Variants in SLC44A4 observed in about 807,000 individuals in gnomAD.
The protein encoded by SLC44A4 is solute carrier family 44 member 4, also known as choline transporter-like protein 4.
Under a neutral mutation model 97.0 loss-of-function variants are expected in SLC44A4, and 74 were observed. The ratio of observed to expected loss-of-function variants is 0.76; its 90% CI spans 0.63 to 0.93. The LOEUF (loss-of-function observed/expected upper bound fraction) is 0.93. Ranked by LOEUF, SLC44A4 falls within the 40% of genes least tolerant of loss-of-function variation. SLC44A4 has a pLI of 0.00. For synonymous variants in SLC44A4, 325 were observed against 363.8 expected (o/e 0.89, Z 1.21); for missense variants, 799 against 902.9 (o/e 0.88, Z 1.48).
chr6:31,865,514 C>T lies in SLC44A4; in HGVS notation c.1670G>A (p.Arg557His), dbSNP rs368786095. 4 of 1,604,336 alleles carry T rather than the reference C, an allele frequency of 2.5e-6. No homozygotes were observed. Among genetic ancestry groups the T allele is most frequent in the East Asian group, 2.2e-5 (1 of 44,672 alleles). The change falls in exon 16 of 21, where the codon CGC becomes CAC. Residue 557 changes from arginine (R) to histidine (H), a missense_variant. Arg to His is a conservative substitution (Grantham distance 29, BLOSUM62 0). This residue lies in a region of SLC44A4 where 379 missense variants were observed against 438.3 expected (regional missense o/e 0.86). Coordinates refer to ENST00000229729, the MANE Select transcript of SLC44A4 (RefSeq NM_025257.3). The surrounding 1 kb of genome is among the most constrained non-coding windows in gnomAD (Gnocchi z 5.2). The stretch of plus-strand genomic sequence containing the variant: ...GTAGCTCACCATGATGTATGCATTG[C>T]GGTTTAGGAACTTGATAAATTTTTC... ...CLEKFIKFLN[R>H]NAYIMIAIYG... is the part of the protein sequence containing the mutation.
chr6:31,878,965 G>A lies in SLC44A4; in HGVS notation c.16C>T (p.Arg6Trp), dbSNP rs369309314. The A allele has an allele frequency of 1.4e-5, 22 of 1,613,486 alleles. No homozygotes were observed. Among genetic ancestry groups the A allele is most frequent in the African/African-American group, 2.7e-5 (2 of 74,884 alleles). The change falls in exon 1 of 21, where the codon CGG becomes TGG. Residue 6 changes from arginine (R) to tryptophan (W), a missense_variant. Physicochemically the swap from Arg to Trp is moderately radical, Grantham distance 101. This residue lies in a region of SLC44A4 where 409 missense variants were observed against 434.1 expected (regional missense o/e 0.94). Transcript: ENST00000229729. The surrounding 1 kb of genome is among the most constrained non-coding windows in gnomAD (Gnocchi z 4.0). MGGKQ[R>W]DEDDEAYGKP... ...CCGTAGGCCTCGTCATCCTCGTCCCGCTGCTTTCCCCCCATGGCTCAGTCT... is the reference window on the plus strand; with the variant it reads ...CCGTAGGCCTCGTCATCCTCGTCCCACTGCTTTCCCCCCATGGCTCAGTCT...
Position 31,877,048 on chromosome 6 carries a change from G to T in SLC44A4, c.75C>A (p.Gly25=), listed in dbSNP as rs1326780831. 13 of 1,609,702 alleles carry T rather than the reference G, an allele frequency of 8.1e-6. No individual in the cohort carries two copies. The highest frequency in any genetic ancestry group is 1.0e-5 in the Non-Finnish European group (12 of 1,178,948). Residue 25 remains glycine (G), a synonymous_variant, in exon 2 of 21, where the codon GGC becomes GGA. Coordinates refer to ENST00000229729, the MANE Select transcript of SLC44A4 (RefSeq NM_025257.3). The surrounding 1 kb of genome is among the most constrained non-coding windows in gnomAD (Gnocchi z 6.5). ...CCAGAGCTCACCTGTTCTTGATGGG[G>T]CCTCGAAAGGAGGGGTCGTATTTGA... The part of the protein sequence containing the change: ...KPVKYDPSFR[G]PIKNRSCTDV...
chr6:31,865,924 G>C lies in SLC44A4; in HGVS notation c.1436C>G (p.Pro479Arg). The change falls in exon 14 of 21, where the codon CCC becomes CGC. Residue 479 changes from proline (P) to arginine (R), a missense_variant. Pro to Arg is a moderately radical substitution (Grantham distance 103, BLOSUM62 -2). This residue lies in a region of SLC44A4 where 379 missense variants were observed against 438.3 expected (regional missense o/e 0.86). Transcript: ENST00000229729. The surrounding 1 kb of genome is among the most constrained non-coding windows in gnomAD (Gnocchi z 5.2). ...FASFYWAFHK[P>R]QDIPTFPLIS... ...TAAGGGGAAGGTAGGGATGTCCTGGGGCTTGTGGAAGGCCCAGTAGAAGGA... is the reference window on the plus strand; with the variant it reads ...TAAGGGGAAGGTAGGGATGTCCTGGCGCTTGTGGAAGGCCCAGTAGAAGGA... 1 of 1,614,194 alleles carries C rather than the reference G, an allele frequency of 6.2e-7. No individual in the cohort carries two copies. Among genetic ancestry groups the C allele is most frequent in the Non-Finnish European group, 8.5e-7 (1 of 1,180,024 alleles).
intron 19 of SLC44A4, 38 bp from the exon 20 acceptor site, chr6:31,864,774 T>G (rs750223357): frequency 6.2e-7 from 1 of 1,613,826 alleles, no homozygotes; most frequent in Admixed American, 1.7e-5. Flanking sequence ...TGGGTTCCTC[T>G]GGGGAGTTGG....
chr6:31,869,159 G>C lies in SLC44A4; in HGVS notation c.1229C>G (p.Pro410Arg). Residue 410 changes from proline (P) to arginine (R), a missense_variant, in exon 13 of 21, where the codon CCC becomes CGC. By Grantham distance (103) the Pro-to-Arg change is moderately radical. Coordinates refer to ENST00000229729, the MANE Select transcript of SLC44A4 (RefSeq NM_025257.3). ...ATGTCCCCTGCTTCCTCTTACCGTG[G>C]GGTTGCATGATGTATTTATTGGCAC... ...EKVPINTSCNPTAHLVNSSCP... is the reference protein window; with the variant it reads ...EKVPINTSCNRTAHLVNSSCP... The C allele has an allele frequency of 6.2e-7, 1 of 1,605,884 alleles. No homozygotes were observed. Among genetic ancestry groups the C allele is most frequent in the Non-Finnish European group, 8.5e-7 (1 of 1,176,386 alleles).
rs995430672 is a variant in SLC44A4, at chr6:31,863,367, A to C, written c.*260T>G. On this transcript the variant is annotated 3_prime_UTR_variant, in exon 21 of 21. Transcript: ENST00000229729. ...CAGCCTCCCGAGTAGCTGGGATGAC[A>C]GGTGCATGCCACCACTCTCGGCTAA... is the stretch of plus-strand genomic sequence containing the variant. The C allele has an allele frequency of 2.7e-4, 95 of 357,282 alleles. 1 individual carries two copies. The highest frequency in any genetic ancestry group is 2.0e-3 in the African/African-American group (91 of 46,118). 22.1% of individuals were successfully genotyped at this position (357,282 alleles called of 1,614,324 possible).
intron 13 of SLC44A4, among the ~76,000 whole-genome samples, chr6:31,868,414 T>TA (rs2151558691): frequency 6.6e-6 from 1 of 152,260 alleles, no homozygotes; most frequent in Non-Finnish European, 1.5e-5. Flanking sequence ...ACTAAGCACT[T>TA]TATGTGCCCA....
At position 31,878,062 on chromosome 6, in the gene SLC44A4, CA is replaced by C. The variant is rs1763545080; in HGVS notation, c.40+878del. 1 of 152,112 alleles carries C rather than the reference CA, an allele frequency of 6.6e-6. No individual in the cohort carries two copies. Among genetic ancestry groups the C allele is most frequent in the Admixed American group, 6.5e-5 (1 of 15,278 alleles). 9.4% of individuals were successfully genotyped at this position (152,112 alleles called of 1,614,324 possible). On this transcript the variant is annotated intron_variant, in intron 1 of 20. Coordinates refer to ENST00000229729, the MANE Select transcript of SLC44A4 (RefSeq NM_025257.3). This position sits in a 1 kb window ranked among gnomAD's most constrained non-coding sequence, Gnocchi z 4.0. Reference sequence around the variant, plus strand: ...TTCCTTCCCCTTCAGACCAGAAGACCAGGGGGGCCTCCGCAGGTGAGTCCCC... The same window carrying C: ...TTCCTTCCCCTTCAGACCAGAAGACCGGGGGGCCTCCGCAGGTGAGTCCCC...
chr6:31,863,564 G>T lies in SLC44A4; in HGVS notation c.*63C>A. 6.4e-7 allele frequency: 1 copy of T among 1,558,664 alleles called. No individual in the cohort carries two copies. Among genetic ancestry groups the T allele is most frequent in the Non-Finnish European group, 8.7e-7 (1 of 1,155,292 alleles). ...ACCACAAAATGGAGACCTGTAAGGCGAAGTGAGGTTGGATGGCTGGACGGT... is the reference window on the plus strand; with the variant it reads ...ACCACAAAATGGAGACCTGTAAGGCTAAGTGAGGTTGGATGGCTGGACGGT... On this transcript the variant is annotated 3_prime_UTR_variant, in exon 21 of 21. Transcript: ENST00000229729.
At position 31,865,385 on chromosome 6, in the gene SLC44A4, C is replaced by A. The variant is rs373514417; in HGVS notation, c.1690G>T (p.Ala564Ser). Residue 564 changes from alanine to serine, a missense_variant, in exon 17 of 21, where the codon GCC (alanine) becomes TCC (serine). This residue lies in a region of SLC44A4 where 379 missense variants were observed against 438.3 expected (regional missense o/e 0.86). Coordinates refer to ENST00000229729, the MANE Select transcript of SLC44A4 (RefSeq NM_025257.3). This position sits in a 1 kb window ranked among gnomAD's most constrained non-coding sequence, Gnocchi z 5.2. ...ACACAGAAATTCTTCCCGTAGATGGCGATCTGAGGGAGGTGGAAAGGTCAG... is the reference window on the plus strand; with the variant it reads ...ACACAGAAATTCTTCCCGTAGATGGAGATCTGAGGGAGGTGGAAAGGTCAG... Reference protein sequence around the residue: ...FLNRNAYIMIAIYGKNFCVSA... With the variant: ...FLNRNAYIMISIYGKNFCVSA... The A allele has an allele frequency of 2.5e-6, 4 of 1,613,890 alleles. No individual in the cohort carries two copies. The highest frequency in any genetic ancestry group is 3.4e-6 in the Non-Finnish European group (4 of 1,179,970).
Position 31,878,744 on chromosome 6 carries a change from A to ACAGCCC in SLC44A4, c.40+191_40+196dup, listed in dbSNP as rs913647902. Among the ~76,000 whole-genome samples, 3 of 152,002 alleles carry ACAGCCC rather than the reference A, an allele frequency of 2.0e-5. No individual in the cohort carries two copies. Among genetic ancestry groups the ACAGCCC allele is most frequent in the African/African-American group, 7.2e-5 (3 of 41,382 alleles). ...TTCACTCCCCATGGGCTCCCCAGCA[A>ACAGCCC]CAGCCCCAGCCCCCGGGCCCCATCC... On this transcript the variant is annotated intron_variant, in intron 1 of 20. Transcript: ENST00000229729. This position sits in a 1 kb window ranked among gnomAD's most constrained non-coding sequence, Gnocchi z 4.0.
Position 31,869,200 on chromosome 6 carries a change from G to A in SLC44A4, c.1188C>T (p.Ser396=), listed in dbSNP as rs1457366577. ...QYVLWASNIS[S]PGCEKVPINT... is the part of the protein sequence containing the mutation. ...TTATTGGCACTTTCTCACAGCCGGGGGAGCTGATGTTGGATGCCCAGAGCA... is the reference window on the plus strand; with the variant it reads ...TTATTGGCACTTTCTCACAGCCGGGAGAGCTGATGTTGGATGCCCAGAGCA... The change falls in exon 13 of 21, where the codon TCC becomes TCT. Residue 396 remains serine (S), a synonymous_variant. Transcript: ENST00000229729. 5.0e-6 allele frequency: 8 copies of A among 1,611,076 alleles called. No individual in the cohort carries two copies. The highest frequency in any genetic ancestry group is 1.3e-5 in the African/African-American group (1 of 74,966).
At position 31,866,056 on chromosome 6, in the gene SLC44A4, A is replaced by G; in HGVS notation, c.1304T>C (p.Ile435Thr). ...VFQGYSSKGL[I>T]QRSVFNLQIY... Reference sequence around the variant, plus strand: ...TTGCAGATTGAAGACAGAACGTTGGATTAGGCCTTTGGATGAGTAGCCCTG... The same window carrying G: ...TTGCAGATTGAAGACAGAACGTTGGGTTAGGCCTTTGGATGAGTAGCCCTG... The change falls in exon 14 of 21, where the codon ATC (isoleucine) becomes ACC (threonine). Residue 435 changes from isoleucine to threonine, a missense_variant. This residue lies in a region of SLC44A4 where 379 missense variants were observed against 438.3 expected (regional missense o/e 0.86). Coordinates refer to ENST00000229729, the MANE Select transcript of SLC44A4 (RefSeq NM_025257.3). 1.2e-6 allele frequency: 2 copies of G among 1,614,186 alleles called. No individual in the cohort carries two copies. Among genetic ancestry groups the G allele is most frequent in the Non-Finnish European group, 1.7e-6 (2 of 1,180,018 alleles).
At chr6:31,872,436 G>C (rs1020747331) in intron 7 of SLC44A4, among the ~76,000 whole-genome samples, 1 of 151,982 alleles carries the variant, frequency 6.6e-6, no homozygotes, top group Non-Finnish European at 1.5e-5. Flanking sequence ...GGGTTTTGCT[G>C]TGTTGCCCAG....
chr6:31,863,531 CT>C lies in SLC44A4; in HGVS notation c.*95del. 6.7e-6 allele frequency: 10 copies of C among 1,494,440 alleles called. No individual in the cohort carries two copies. Among genetic ancestry groups the C allele is most frequent in the South Asian group, 2.7e-5 (2 of 73,688 alleles). 92.6% of individuals were successfully genotyped at this position (1,494,440 alleles called of 1,614,324 possible). A position where few individuals can be genotyped will look rare whatever the true frequency, so the allele number is the denominator to read the frequency against. ...TGAGCCACGGCGCCTGGCCTAAAAC[CT>C]TTTTTTACCACAAAATGGAGACCTG... On this transcript the variant is annotated 3_prime_UTR_variant, in exon 21 of 21. Transcript: ENST00000229729.
Position 31,865,064 on chromosome 6 carries a change from T to TGTCCAGGACGACCAC in SLC44A4, c.1762_1776dup (p.Val588_Asp592dup). 6.2e-7 allele frequency: 1 copy of TGTCCAGGACGACCAC among 1,613,452 alleles called. No individual in the cohort carries two copies. The highest frequency in any genetic ancestry group is 1.1e-5 in the South Asian group (1 of 91,082). On this transcript the variant is annotated inframe_insertion, in exon 18 of 21. Transcript: ENST00000229729. This position sits in a 1 kb window ranked among gnomAD's most constrained non-coding sequence, Gnocchi z 5.2. Reference sequence around the variant, plus strand: ...AAGAACAGCAGCAGGTCTGTGACTTTGTCCAGGACGACCACCCTGTGCCAG... The same window carrying TGTCCAGGACGACCAC: ...AAGAACAGCAGCAGGTCTGTGACTTTGTCCAGGACGACCACGTCCAGGACGACCACCCTGTGCCAG...
chr6:31,877,119 C>T lies in SLC44A4; in HGVS notation c.41-37G>A, dbSNP rs1189604138. The T allele has an allele frequency of 1.3e-6, 2 of 1,594,758 alleles. No homozygotes were observed. The highest frequency in any genetic ancestry group is 1.7e-5 in the Admixed American group (1 of 57,528). ...GAGAAGAGGTGTGGAGGATGAGTCTCTCTCTGCATATCTTGTCCTGCTGAG... is the reference window on the plus strand; with the variant it reads ...GAGAAGAGGTGTGGAGGATGAGTCTTTCTCTGCATATCTTGTCCTGCTGAG... On this transcript the variant is annotated intron_variant, in intron 1 of 20. Coordinates refer to ENST00000229729, the MANE Select transcript of SLC44A4 (RefSeq NM_025257.3). The surrounding 1 kb of genome is among the most constrained non-coding windows in gnomAD (Gnocchi z 6.5).
chr6:31,863,891 T>A, intron 20 of SLC44A4, 143 bp from the exon 21 acceptor site: 1 of 1,083,514 alleles, frequency 9.2e-7, no homozygotes, highest in Non-Finnish European at 1.3e-6. Context: ...AGTTTCCTCC[T>A]GTGAAGTGGG....
At chr6:31,871,659 G>A in intron 7 of SLC44A4, 98 bp from the exon 8 acceptor site, 2 of 889,722 alleles carry the variant, frequency 2.2e-6, no homozygotes, top group African/African-American at 1.7e-5. Context: ...GGGGAGGGAA[G>A]GGTGATGGGC....
Sources: gnomAD v4.1 joint callset for allele counts (sites outside exome capture counted in the v4.1 genomes callset) on GRCh38, gnomAD v4.1.1 for gene constraint, gnomAD v4.1.1 regional missense constraint, Gnocchi (gnomAD v3.1) non-coding constraint, MANE v1.5 for transcripts, NCBI Gene and HGNC (gene_info 2026-07-23, HGNC 2026-07-21) for gene names.